Variants in ABLIM2 observed in about 807,000 individuals in gnomAD.
ABLIM2 encodes the protein actin binding LIM protein family member 2.
ABLIM2 carries 53 observed loss-of-function variants against 97.7 expected under a neutral mutation model. The observed-to-expected ratio is 0.54, with a 90% CI of 0.44 to 0.68. ABLIM2 has a LOEUF of 0.68. Among genes scored for constraint, ABLIM2 ranks in the 30% least tolerant of loss-of-function variants. ABLIM2 has a pLI of 0.00. For missense variants in ABLIM2, 835 were observed against 867.2 expected, an observed-to-expected ratio of 0.96 and a Z score of 0.47; for synonymous variants, 361 against 345.8, an observed-to-expected ratio of 1.04 and a Z score of -0.49.
At chr4:8,056,432 C>T (rs1450376837) in intron 7 of ABLIM2, among the ~76,000 whole-genome samples, 1 of 151,236 alleles carries the variant, frequency 6.6e-6, no homozygotes, top group Non-Finnish European at 1.5e-5. Flanking sequence ...TCCCAAGTAA[C>T]TGGGACTACA....
chr4:8,099,668 AC>A (rs1833493541), intron 2 of ABLIM2, among the ~76,000 whole-genome samples: 1 of 151,880 alleles, frequency 6.6e-6, no homozygotes, highest in South Asian at 2.1e-4. Flanking sequence ...ACATGGTGAA[AC>A]CCCGTCTCTA....
intron 8 of ABLIM2, among the ~76,000 whole-genome samples, chr4:8,050,950 C>G (rs1795605501): frequency 6.6e-6 from 1 of 152,258 alleles, no homozygotes; most frequent in Non-Finnish European, 1.5e-5. Flanking sequence ...GACGCCTGCA[C>G]AGGCCCCCGA....
At chr4:8,088,609 G>A (rs553925911) in intron 3 of ABLIM2, among the ~76,000 whole-genome samples, 5 of 152,332 alleles carry the variant, frequency 3.3e-5, no homozygotes, top group Admixed American at 2.0e-4. Flanking sequence ...CTGGGCCACC[G>A]GCCCCTCCAG....
At position 7,986,618 on chromosome 4, in the gene ABLIM2, C is replaced by A. The variant is rs765478569; in HGVS notation, c.1681-1725G>T. Among the ~76,000 whole-genome samples the A allele has an allele frequency of 1.3e-5, 2 of 152,158 alleles. No homozygotes were observed. The highest frequency in any genetic ancestry group is 6.5e-5 in the Admixed American group (1 of 15,284). On this transcript the variant is annotated intron_variant, in intron 17 of 20. Coordinates refer to ENST00000447017, the MANE Select transcript of ABLIM2 (RefSeq NM_001130083.2). This position sits in a 1 kb window ranked among gnomAD's most constrained non-coding sequence, Gnocchi z 4.3. Reference sequence around the variant, plus strand: ...TGGGCCTGGACCCTGAGCCAGGGTCCTCTTGCCTCCACCACTTCACAAAAT... The same window carrying A: ...TGGGCCTGGACCCTGAGCCAGGGTCATCTTGCCTCCACCACTTCACAAAAT...
chr4:8,043,631 G>C lies in ABLIM2; in HGVS notation c.900+1533C>G, dbSNP rs557520207. Among the ~76,000 whole-genome samples, 1 of 152,276 alleles carries C rather than the reference G, an allele frequency of 6.6e-6. No individual in the cohort carries two copies. The highest frequency in any genetic ancestry group is 2.4e-5 in the African/African-American group (1 of 41,564). ...GTGATGATGCAAGGAGAGGACGGCC[G>C]CCTGCGGGCCAGGGATGGGGAGCCA... On this transcript the variant is annotated intron_variant, in intron 9 of 20. Coordinates refer to ENST00000447017, the MANE Select transcript of ABLIM2 (RefSeq NM_001130083.2). The surrounding 1 kb of genome is among the most constrained non-coding windows in gnomAD (Gnocchi z 4.8).
chr4:7,983,464 T>G, intron 19 of ABLIM2, 83 bp downstream of exon 19: 1 of 1,594,014 alleles, frequency 6.3e-7, no homozygotes, highest in Admixed American at 1.8e-5. Context: ...ACACATTTCA[T>G]AGGTAAAGCA....
chr4:8,105,891 A>T (rs1837149488), intron 2 of ABLIM2, among the ~76,000 whole-genome samples: 1 of 152,234 alleles, frequency 6.6e-6, no homozygotes, highest in African/African-American at 2.4e-5. Flanking sequence ...GAGACTCGGC[A>T]CAGGCCATCT....
At chr4:8,048,697 G>C (rs1794144496) in intron 8 of ABLIM2, among the ~76,000 whole-genome samples, 1 of 152,164 alleles carries the variant, frequency 6.6e-6, no homozygotes, top group South Asian at 2.1e-4. Context: ...ACAGTCTCCA[G>C]CTTCCTCCTG....
At chr4:7,975,911 C>G (rs1309074748) in intron 20 of ABLIM2, among the ~76,000 whole-genome samples, 1 of 152,178 alleles carries the variant, frequency 6.6e-6, no homozygotes, top group Non-Finnish European at 1.5e-5. Context: ...TTTCTCGGAT[C>G]ACGCTAACAA....
At chr4:8,040,143 AG>A (rs1787392268) in intron 9 of ABLIM2, among the ~76,000 whole-genome samples, 1 of 152,124 alleles carries the variant, frequency 6.6e-6, no homozygotes, top group Non-Finnish European at 1.5e-5. Context: ...CGGTGAAGGA[AG>A]GGGATGCTGC....
At chr4:8,052,586 T>C (rs938603) in intron 8 of ABLIM2, among the ~76,000 whole-genome samples, 129,685 of 152,248 alleles carry the variant, frequency 0.85, 55,552 homozygotes, top group African/African-American at 0.95. Flanking sequence ...AAAGCAGAGC[T>C]GCTAGGAGAG....
In ABLIM2 at chr4:8,127,604, C is replaced by T. The variant is rs1040923263; in HGVS notation, c.11-20967G>A. On this transcript the variant is annotated intron_variant, in intron 1 of 20. Coordinates refer to ENST00000447017, the MANE Select transcript of ABLIM2 (RefSeq NM_001130083.2). The surrounding 1 kb of genome is among the most constrained non-coding windows in gnomAD (Gnocchi z 7.3). ...GGCTGCTTGCAAAGGGCCAGCGGGT[C>T]GGCGGCTCTCCCTCTGCGTGGCTGG... 1.9e-5 allele frequency: 25 copies of T among 1,289,632 alleles called. No homozygotes were observed. Among genetic ancestry groups the T allele is most frequent in the East Asian group, 1.1e-4 (2 of 18,014 alleles). 79.9% of individuals were successfully genotyped at this position (1,289,632 alleles called of 1,614,324 possible).
chr4:7,981,134 G>A (rs1323053756), intron 20 of ABLIM2, among the ~76,000 whole-genome samples: 1 of 151,438 alleles, frequency 6.6e-6, no homozygotes, highest in Non-Finnish European at 1.5e-5. Context: ...TAGTAGAGAT[G>A]GGGTTTCACC....
chr4:8,085,566 G>A lies in ABLIM2; in HGVS notation c.454+2603C>T, dbSNP rs1161489377. On this transcript the variant is annotated intron_variant, in intron 4 of 20. Transcript: ENST00000447017. The surrounding 1 kb of genome is among the most constrained non-coding windows in gnomAD (Gnocchi z 6.1). ...CCCCGTCCACTCACATGGCTCTGGG[G>A]GTGCCCACGCTGCAGCCCCGTCCAC... Among the ~76,000 whole-genome samples the A allele has an allele frequency of 6.7e-6, 1 of 149,448 alleles. No homozygotes were observed. Among genetic ancestry groups the A allele is most frequent in the Non-Finnish European group, 1.5e-5 (1 of 67,442 alleles).
In ABLIM2 at chr4:8,009,173, T is replaced by C. The variant is rs553492674; in HGVS notation, c.1424-71A>G. 2.0e-5 allele frequency: 32 copies of C among 1,580,418 alleles called. No individual in the cohort carries two copies. In the South Asian group the frequency reaches 3.2e-4, roughly 16 times the overall value. On this transcript the variant is annotated intron_variant, in intron 14 of 20. Transcript: ENST00000447017. ...TGGGTTTCTGCCTCATGGTTTCCCA[T>C]GTTACAGTTATGCTCAAAAATGAAA...
Position 8,029,792 on chromosome 4 carries a change from C to T in ABLIM2, c.1048-16G>A. 1.3e-6 allele frequency: 2 copies of T among 1,566,168 alleles called. 1 individual carries two copies. Among genetic ancestry groups the T allele is most frequent in the Non-Finnish European group, 1.7e-6 (2 of 1,155,544 alleles). ...CCTGATCCCCCTGGGAGGGAAGATG[C>T]AGCTTGTGAACACTGGAGCCGGGAG... On this transcript the variant is annotated splice_polypyrimidine_tract_variant and intron_variant, in intron 10 of 20. Transcript: ENST00000447017.
intron 17 of ABLIM2, among the ~76,000 whole-genome samples, chr4:7,985,866 C>T (rs894562399): frequency 5.9e-5 from 9 of 152,224 alleles, no homozygotes; most frequent in African/African-American, 2.2e-4. Context: ...ATCATCGACA[C>T]GTCCTGCAAA....
chr4:8,065,328 T>C (rs1199391201), intron 6 of ABLIM2, among the ~76,000 whole-genome samples: 1 of 152,168 alleles, frequency 6.6e-6, no homozygotes, highest in Non-Finnish European at 1.5e-5. Context: ...AATGGCCAAC[T>C]GGTACATGAA....
At chr4:8,088,564 C>A (rs1825342800) in intron 3 of ABLIM2, among the ~76,000 whole-genome samples, 1 of 152,248 alleles carries the variant, frequency 6.6e-6, no homozygotes, top group Non-Finnish European at 1.5e-5. Context: ...TGAGGGCCAG[C>A]CCAGTGCTTG....
Sources: gnomAD v4.1 joint callset for allele counts (sites outside exome capture counted in the v4.1 genomes callset) on GRCh38, gnomAD v4.1.1 for gene constraint, Gnocchi (gnomAD v3.1) non-coding constraint, MANE v1.5 for transcripts, NCBI Gene and HGNC (gene_info 2026-07-23, HGNC 2026-07-21) for gene names.